MRPS28: variants seen among roughly 807,000 people sequenced by gnomAD.
The protein encoded by MRPS28 is mitochondrial ribosomal protein S28.
Under a neutral mutation model 10.8 loss-of-function variants are expected in MRPS28, and 7 were observed. The observed-to-expected ratio is 0.65, with a 90% CI of 0.37 to 1.22. MRPS28 has a LOEUF of 1.22. MRPS28 is among the 50% of genes most tolerant of loss of function. MRPS28 has a pLI of 0.02. For synonymous variants in MRPS28, 121 were observed against 93.3 expected (o/e 1.30, Z -1.71); for missense variants, 265 against 232.9 (o/e 1.14, Z -0.90).
At chr8:79,976,979 G>A (rs1472148974) in intron 2 of MRPS28, among the ~76,000 whole-genome samples, 1 of 152,030 alleles carries the variant, frequency 6.6e-6, no homozygotes, top group Non-Finnish European at 1.5e-5. Context: ...TCCAGACTGT[G>A]TCATTTGTAA....
chr8:79,920,322 G>A (rs564925163), intron 2 of MRPS28, among the ~76,000 whole-genome samples: 40 of 152,074 alleles, frequency 2.6e-4, no homozygotes, highest in Non-Finnish European at 5.6e-4. Flanking sequence ...GAGATGGCTG[G>A]GTCAAATGGT....
intron 2 of MRPS28, among the ~76,000 whole-genome samples, chr8:79,948,697 CA>C (rs765917296): frequency 1.8e-4 from 27 of 151,970 alleles, no homozygotes; most frequent in Non-Finnish European, 2.8e-4. Flanking sequence ...GAATTTTGTT[CA>C]ATGCTTTTTC....
chr8:79,974,536 G>A (rs1423397546), intron 2 of MRPS28, among the ~76,000 whole-genome samples: 1 of 150,932 alleles, frequency 6.6e-6, no homozygotes, highest in Non-Finnish European at 1.5e-5. Flanking sequence ...GCGAGACTCT[G>A]TCTCAAAAAC....
chr8:80,013,678 T>G (rs1290827895), intron 1 of MRPS28, among the ~76,000 whole-genome samples: 1 of 121,126 alleles, frequency 8.3e-6, no homozygotes, highest in African/African-American at 3.1e-5. Flanking sequence ...AAAAAAACAA[T>G]AACAATAAAA....
At chr8:79,979,915 C>CAAAAAAAAAA (rs61633169) in intron 2 of MRPS28, among the ~76,000 whole-genome samples, 3 of 31,360 alleles carry the variant, frequency 9.6e-5, no homozygotes, top group African/African-American at 2.0e-4. Flanking sequence ...GATTCTCACG[C>CAAAAAAAAAA]AAAAAAAAAA....
chr8:79,994,677 C>A (rs963116605), intron 2 of MRPS28, among the ~76,000 whole-genome samples: 3 of 152,156 alleles, frequency 2.0e-5, no homozygotes, highest in African/African-American at 7.2e-5. Context: ...ATGCTCCACA[C>A]CTCTGCCAGA....
chr8:79,929,426 G>A (rs539866283), intron 2 of MRPS28, among the ~76,000 whole-genome samples: 4 of 151,982 alleles, frequency 2.6e-5, no homozygotes, highest in Admixed American at 6.6e-5. Flanking sequence ...ATTGATAATC[G>A]GAACCTATCA....
At chr8:79,973,033 T>C (rs1287450913) in intron 2 of MRPS28, among the ~76,000 whole-genome samples, 1 of 152,192 alleles carries the variant, frequency 6.6e-6, no homozygotes, top group Non-Finnish European at 1.5e-5. Context: ...TGATAGGTAT[T>C]CAACAGGGCA....
chr8:79,930,291 C>G (rs1234484000), intron 2 of MRPS28, among the ~76,000 whole-genome samples: 1 of 152,106 alleles, frequency 6.6e-6, no homozygotes, highest in Non-Finnish European at 1.5e-5. Flanking sequence ...CTAAATCACC[C>G]TTTTCTCCTA....
At position 80,000,245 on chromosome 8, in the gene MRPS28, T is replaced by C. The variant is rs78929967; in HGVS notation, c.395+2754A>G. On this transcript the variant is annotated intron_variant, in intron 2 of 2. Transcript: ENST00000276585. ...CCTCTTGATGATCCTCATTCATGAATGTATTTATTTTGTGACTCCTTTGAA... is the reference window on the plus strand; with the variant it reads ...CCTCTTGATGATCCTCATTCATGAACGTATTTATTTTGTGACTCCTTTGAA... Among the ~76,000 whole-genome samples the C allele has an allele frequency of 5.5e-3, 831 of 152,354 alleles. 19 individuals are homozygous for C. The highest frequency in any genetic ancestry group is 0.039 in the Admixed American group (591 of 15,308).
At chr8:79,983,452 G>A (rs1354283326) in intron 2 of MRPS28, among the ~76,000 whole-genome samples, 1 of 152,150 alleles carries the variant, frequency 6.6e-6, no homozygotes, top group Non-Finnish European at 1.5e-5. Context: ...GAGAGAAGAA[G>A]GCTTCAGACG....
chr8:79,934,416 G>C, intron 2 of MRPS28, among the ~76,000 whole-genome samples: 1 of 151,970 alleles, frequency 6.6e-6, no homozygotes, highest in East Asian at 1.9e-4. Context: ...CAATTAAAAG[G>C]CCATAAAAAT....
At chr8:79,984,126 T>G (rs1808072140) in intron 2 of MRPS28, among the ~76,000 whole-genome samples, 1 of 152,094 alleles carries the variant, frequency 6.6e-6, no homozygotes. Context: ...TATTCAACAT[T>G]CTTAAAGAAA....
intron 1 of MRPS28, among the ~76,000 whole-genome samples, chr8:80,021,256 C>T (rs1411177546): frequency 1.3e-5 from 2 of 152,170 alleles, no homozygotes; most frequent in Non-Finnish European, 2.9e-5. Context: ...CCACCTTGGT[C>T]TCCCAAAGCG....
intron 2 of MRPS28, among the ~76,000 whole-genome samples, chr8:79,986,227 C>T (rs1411411330): frequency 6.6e-6 from 1 of 152,136 alleles, no homozygotes; most frequent in Non-Finnish European, 1.5e-5. Flanking sequence ...AAATCAACAA[C>T]CCTTCATGCT....
At chr8:79,975,305 T>C (rs1289036146) in intron 2 of MRPS28, among the ~76,000 whole-genome samples, 1 of 152,008 alleles carries the variant, frequency 6.6e-6, no homozygotes, top group Non-Finnish European at 1.5e-5. Flanking sequence ...TTGGAAAAGA[T>C]AATTAATTAA....
Position 79,929,381 on chromosome 8 carries a change from C to T in MRPS28, c.396-10233G>A, listed in dbSNP as rs187332325. Among the ~76,000 whole-genome samples, 505 of 152,254 alleles carry T rather than the reference C, an allele frequency of 3.3e-3. 4 individuals are homozygous for T. The highest frequency in any genetic ancestry group is 0.011 in the African/African-American group (464 of 41,548). ...CACTTTTCTGACCATATCTAGACTA[C>T]TGTGACCTGCTCCGTGCAACACAAT... is the stretch of plus-strand genomic sequence containing the variant. On this transcript the variant is annotated intron_variant, in intron 2 of 2. Coordinates refer to ENST00000276585, the MANE Select transcript of MRPS28 (RefSeq NM_014018.3).
rs563331181 is a variant in MRPS28 at position 79,988,416 on chromosome 8, G to A, written c.395+14583C>T. On this transcript the variant is annotated intron_variant, in intron 2 of 2. Transcript: ENST00000276585. ...GTGCACATGTACCCTAAAACTTAAA[G>A]TATAATAATAATAAAATAAAATAAA... Among the ~76,000 whole-genome samples, 187 of 149,210 alleles carry A rather than the reference G, an allele frequency of 1.3e-3. 3 individuals are homozygous for A. Among genetic ancestry groups the A allele is most frequent in the South Asian group, 0.012 (56 of 4,724 alleles).
chr8:80,006,844 AAGG>A (rs1189818229), intron 1 of MRPS28, among the ~76,000 whole-genome samples: 1 of 152,258 alleles, frequency 6.6e-6, no homozygotes, highest in Non-Finnish European at 1.5e-5. Context: ...CCAGAGGTAC[AAGG>A]AGGAGCTGGT....
Sources: allele counts gnomAD v4.1 joint callset (sites outside exome capture counted in the v4.1 genomes callset), GRCh38; gene constraint gnomAD v4.1.1; transcripts MANE v1.5; gene names NCBI Gene and HGNC (gene_info 2026-07-23, HGNC 2026-07-21).